ASTN2: variants seen among roughly 807,000 people sequenced by gnomAD.
The protein encoded by ASTN2 is astrotactin 2.
In ASTN2, 54 loss-of-function variants were observed where a neutral mutation model predicts 139.8. The ratio of observed to expected loss-of-function variants is 0.39; its 90% confidence interval spans 0.31 to 0.48. The LOEUF (loss-of-function observed/expected upper bound fraction) is 0.48, where lower values mean the gene tolerates loss of function less well. Among genes scored for constraint, ASTN2 ranks in the 20% least tolerant of loss-of-function variants. ASTN2 has a pLI of 0.95. For synonymous variants in ASTN2, 756 were observed against 719.5 expected (o/e 1.05, Z -0.81); for missense variants, 1,565 against 1,725.1 (o/e 0.91, Z 1.64).
chr9:116,909,997 G>C (rs752589855), intron 10 of ASTN2, among the ~76,000 whole-genome samples: 1 of 152,108 alleles, frequency 6.6e-6, no homozygotes, highest in Non-Finnish European at 1.5e-5. Flanking sequence ...AATTGAAGAT[G>C]GTGCAAACAG....
chr9:116,683,029 T>TAATAATAA (rs1859984237), intron 16 of ASTN2, among the ~76,000 whole-genome samples: 2 of 148,152 alleles, frequency 1.3e-5, no homozygotes, highest in Admixed American at 1.3e-4. Flanking sequence ...AGTATAATAA[T>TAATAATAA]AATAAAATAA....
At chr9:117,213,075 G>A (rs1359437828) in intron 3 of ASTN2, among the ~76,000 whole-genome samples, 2 of 152,106 alleles carry the variant, frequency 1.3e-5, no homozygotes, top group Admixed American at 6.5e-5. Context: ...AAGGTGGTAT[G>A]TATACACAAT....
At position 116,805,710 on chromosome 9, in the gene ASTN2, A is replaced by T. The variant is rs1831011820; in HGVS notation, c.2318T>A (p.Leu773His). 1 of 1,613,960 alleles carries T rather than the reference A, an allele frequency of 6.2e-7. No individual in the cohort carries two copies. The highest frequency in any genetic ancestry group is 1.3e-5 in the African/African-American group (1 of 75,026). ...GTAACCATGTAGCATCTCTCCAAAG[A>T]GGGTATCATTGAATTTGGAGTCAGG... ...LKPDSKFNDT[L>H]FGEMLHGYNN... The change falls in exon 13 of 23, where the codon CTC becomes CAC. Residue 773 changes from leucine to histidine, a missense_variant. Coordinates refer to ENST00000313400, the MANE Select transcript of ASTN2 (RefSeq NM_001365068.1).
intron 11 of ASTN2, among the ~76,000 whole-genome samples, chr9:116,826,208 A>G (rs979509883): frequency 6.6e-6 from 1 of 152,134 alleles, no homozygotes; most frequent in African/African-American, 2.4e-5. Context: ...AGACCAGGCT[A>G]TCCTATGCAT....
At chr9:116,893,158 ATC>A (rs1491225798) in intron 10 of ASTN2, among the ~76,000 whole-genome samples, 2 of 96,880 alleles carry the variant, frequency 2.1e-5, no homozygotes, top group African/African-American at 3.7e-5. Flanking sequence ...CTAAAGGTGT[ATC>A]ACACACACAC....
chr9:117,019,838 A>AT (rs1837821918), intron 6 of ASTN2, among the ~76,000 whole-genome samples: 2 of 152,088 alleles, frequency 1.3e-5, no homozygotes. Flanking sequence ...AACCTTGCGG[A>AT]TTCTCTTCTG....
intron 1 of ASTN2, among the ~76,000 whole-genome samples, chr9:117,314,861 A>G (rs749839141): frequency 6.8e-6 from 1 of 146,240 alleles, no homozygotes; most frequent in Non-Finnish European, 1.5e-5. Flanking sequence ...TATACGTAAT[A>G]TTATAAATAT....
chr9:116,782,465 G>A (rs1156889812), intron 13 of ASTN2, among the ~76,000 whole-genome samples: 1 of 152,108 alleles, frequency 6.6e-6, no homozygotes, highest in Non-Finnish European at 1.5e-5. Context: ...TCTGTGACAG[G>A]TCCCCCTGGC....
rs577646152 is a variant in ASTN2 at position 116,799,708 on chromosome 9, G to A, written c.2396+5924C>T. Among the ~76,000 whole-genome samples, 382 of 143,884 alleles carry A rather than the reference G, an allele frequency of 2.7e-3. 6 individuals are homozygous for A. The highest frequency in any genetic ancestry group is 9.2e-3 in the African/African-American group (358 of 39,096). 94.4% of individuals were successfully genotyped at this position (143,884 alleles called of 152,430 possible). A position where few individuals can be genotyped will look rare whatever the true frequency, so the allele number is the denominator to read the frequency against. On this transcript the variant is annotated intron_variant, in intron 13 of 22. Coordinates refer to ENST00000313400, the MANE Select transcript of ASTN2 (RefSeq NM_001365068.1). ...TAGAATGAATGTGGGTAAGAGAGTG[G>A]GGGGGGGGAGAATAAAAAACAAACA...
chr9:116,573,233 G>A (rs1330858733), intron 19 of ASTN2, among the ~76,000 whole-genome samples: 1 of 152,200 alleles, frequency 6.6e-6, no homozygotes, highest in African/African-American at 2.4e-5. Context: ...GATAAGCAAT[G>A]GCTATTCTTT....
chr9:116,459,631 G>T (rs970958964), intron 20 of ASTN2, among the ~76,000 whole-genome samples: 3 of 151,976 alleles, frequency 2.0e-5, no homozygotes. Flanking sequence ...ACATTCAAAT[G>T]GCTAATAAGC....
chr9:116,731,204 A>C (rs1187750632), intron 14 of ASTN2, among the ~76,000 whole-genome samples: 3 of 148,164 alleles, frequency 2.0e-5, no homozygotes, highest in Admixed American at 6.8e-5. Context: ...TAATAATAAT[A>C]ATAATAATAA....
intron 3 of ASTN2, among the ~76,000 whole-genome samples, chr9:117,190,127 A>G (rs559062522): frequency 6.6e-6 from 1 of 152,320 alleles, no homozygotes; most frequent in East Asian, 1.9e-4. Context: ...TAGAGAGAGC[A>G]GCCCTTCCAA....
chr9:117,408,402 C>G (rs1270994117), intron 1 of ASTN2, among the ~76,000 whole-genome samples: 1 of 152,102 alleles, frequency 6.6e-6, no homozygotes, highest in South Asian at 2.1e-4. Flanking sequence ...GTCTGTGATG[C>G]TGGGAGCCCA....
At chr9:117,207,712 T>C (rs1336573964) in intron 3 of ASTN2, among the ~76,000 whole-genome samples, 1 of 152,136 alleles carries the variant, frequency 6.6e-6, no homozygotes, top group East Asian at 1.9e-4. Flanking sequence ...AGATACCACG[T>C]GCCCTTGCTC....
rs957268819 is a variant in ASTN2, at chr9:116,888,247, G to T, written c.1890-24514C>A. On this transcript the variant is annotated intron_variant, in intron 10 of 22. Transcript: ENST00000313400. ...CTCATACCACTGCACTCCAGCCTGA[G>T]TGACACAATGAGACCTTGTCTCAAG... Among the ~76,000 whole-genome samples the T allele has an allele frequency of 2.0e-5, 3 of 151,984 alleles. No homozygotes were observed. The East Asian group carries it at 5.8e-4, about 29-fold the overall frequency.
intron 1 of ASTN2, among the ~76,000 whole-genome samples, chr9:117,331,298 T>A (rs1828699644): frequency 6.6e-6 from 1 of 152,122 alleles, no homozygotes. Flanking sequence ...CTCTTTCCCT[T>A]CTGTTCTTTG....
chr9:117,108,609 A>G (rs1026431776), intron 4 of ASTN2, among the ~76,000 whole-genome samples: 1 of 152,182 alleles, frequency 6.6e-6, no homozygotes, highest in Non-Finnish European at 1.5e-5. Context: ...AAACACATGC[A>G]GAAATTAATA....
chr9:117,205,601 G>A (rs553000764), intron 3 of ASTN2, among the ~76,000 whole-genome samples: 7 of 152,076 alleles, frequency 4.6e-5, no homozygotes, highest in South Asian at 2.1e-4. Flanking sequence ...AAAGCCCCCC[G>A]ACTTTTTCTG....
Sources: gnomAD v4.1 joint callset for allele counts (sites outside exome capture counted in the v4.1 genomes callset) on GRCh38, gnomAD v4.1.1 for gene constraint, MANE v1.5 for transcripts, NCBI Gene and HGNC (gene_info 2026-07-23, HGNC 2026-07-21) for gene names.